The following FHIT variants were observed in gnomAD, a reference collection of about 807,000 sequenced individuals.
FHIT encodes bis(5'-adenosyl)-triphosphatase.
In FHIT, 19 loss-of-function variants were observed where a neutral mutation model predicts 17.9. That is an observed-to-expected ratio of 1.06 (90% CI 0.74 to 1.56). FHIT has a LOEUF of 1.56. Ranked by LOEUF, FHIT falls within the 40% of genes most tolerant of loss-of-function variation. The probability of loss-of-function intolerance (pLI) is 0.00; values close to 1 mark genes in which losing one functional copy is unlikely to be tolerated. For missense variants in FHIT, 248 were observed against 189.2 expected, an observed-to-expected ratio of 1.31 and a Z score of -1.82; for synonymous variants, 81 against 69.7, an observed-to-expected ratio of 1.16 and a Z score of -0.81.
chr3:61,119,108 G>A (rs142458893), intron 2 of FHIT, among the ~76,000 whole-genome samples: 198 of 152,294 alleles, frequency 1.3e-3, no homozygotes, highest in Non-Finnish European at 2.0e-3. Context: ...ATTGATGGCT[G>A]CAATTTACTA....
At chr3:60,482,115 A>C (rs988848410) in intron 5 of FHIT, among the ~76,000 whole-genome samples, 3 of 152,232 alleles carry the variant, frequency 2.0e-5, no homozygotes, top group Admixed American at 2.0e-4. Flanking sequence ...CAATTGAACA[A>C]GGAGAGCTAA....
At chr3:61,150,232 CACT>C (rs1283488835) in intron 2 of FHIT, among the ~76,000 whole-genome samples, 1 of 152,092 alleles carries the variant, frequency 6.6e-6, no homozygotes, top group Non-Finnish European at 1.5e-5. Flanking sequence ...ATACAGAGCC[CACT>C]GAGAGGCTTT....
At chr3:60,921,601 A>C (rs1218576905) in intron 3 of FHIT, among the ~76,000 whole-genome samples, 1 of 152,236 alleles carries the variant, frequency 6.6e-6, no homozygotes, top group African/African-American at 2.4e-5. Context: ...AAATCCTTTG[A>C]ATATGAAATG....
intron 7 of FHIT, among the ~76,000 whole-genome samples, chr3:59,954,816 T>C (rs1459820670): frequency 6.6e-6 from 1 of 152,206 alleles, no homozygotes; most frequent in African/African-American, 2.4e-5. Flanking sequence ...AACTGGTTTC[T>C]TTTGAAAACG....
intron 3 of FHIT, among the ~76,000 whole-genome samples, chr3:60,960,086 G>C (rs1213397998): frequency 6.6e-6 from 1 of 151,738 alleles, no homozygotes; most frequent in Non-Finnish European, 1.5e-5. Flanking sequence ...CCTCATCACT[G>C]CTTTCCGAAT....
chr3:60,390,662 C>G (rs1701193652), intron 5 of FHIT, among the ~76,000 whole-genome samples: 1 of 151,934 alleles, frequency 6.6e-6, no homozygotes, highest in South Asian at 2.1e-4. Context: ...TATTGATGAT[C>G]CTGACCTGGC....
chr3:59,863,529 C>A (rs769460335), intron 8 of FHIT, among the ~76,000 whole-genome samples: 4 of 152,182 alleles, frequency 2.6e-5, no homozygotes, highest in Non-Finnish European at 5.9e-5. Flanking sequence ...CATTATCTGT[C>A]TTCCCTGAGT....
chr3:59,914,474 G>T (rs1426970524), intron 8 of FHIT, among the ~76,000 whole-genome samples: 1 of 152,116 alleles, frequency 6.6e-6, no homozygotes, highest in African/African-American at 2.4e-5. Context: ...AATGAACCTT[G>T]CTCCAAGCTA....
intron 2 of FHIT, among the ~76,000 whole-genome samples, chr3:61,186,883 T>A (rs1433223013): frequency 6.6e-6 from 1 of 152,226 alleles, no homozygotes; most frequent in Non-Finnish European, 1.5e-5. Flanking sequence ...TCTTTTCAGA[T>A]CTTAACTTAA....
intron 2 of FHIT, among the ~76,000 whole-genome samples, chr3:61,091,440 TAATC>T (rs991687128): frequency 2.0e-5 from 3 of 152,164 alleles, no homozygotes; most frequent in African/African-American, 4.8e-5. Context: ...TTAAATTAGA[TAATC>T]AATCTATGTC....
chr3:60,964,276 A>G (rs187203486), intron 3 of FHIT, among the ~76,000 whole-genome samples: 63 of 144,888 alleles, frequency 4.3e-4, no homozygotes, highest in African/African-American at 1.3e-3. Context: ...TTTTTTTTCC[A>G]TTTGCTTGGT....
At chr3:60,608,811 C>G (rs1045226392) in intron 4 of FHIT, among the ~76,000 whole-genome samples, 12 of 152,152 alleles carry the variant, frequency 7.9e-5, no homozygotes, top group Admixed American at 3.9e-4. Context: ...GAGACCTAGT[C>G]ATTATCAGGA....
At chr3:60,096,517 C>A (rs888361445) in intron 5 of FHIT, among the ~76,000 whole-genome samples, 1 of 152,188 alleles carries the variant, frequency 6.6e-6, no homozygotes, top group Non-Finnish European at 1.5e-5. Flanking sequence ...GGTCTTTCAG[C>A]CTTCAGGCTG....
intron 3 of FHIT, among the ~76,000 whole-genome samples, chr3:61,030,649 G>T (rs890114686): frequency 6.6e-6 from 1 of 152,126 alleles, no homozygotes; most frequent in Non-Finnish European, 1.5e-5. Context: ...AAGTGACTCA[G>T]TTAAATGGTA....
intron 3 of FHIT, among the ~76,000 whole-genome samples, chr3:60,927,601 G>A (rs879990114): frequency 5.3e-5 from 8 of 150,560 alleles, no homozygotes; most frequent in Admixed American, 3.3e-4. Context: ...CGGCCGCCCC[G>A]TCTGGGATGT....
At chr3:59,953,977 TC>T (rs1358298088) in intron 7 of FHIT, among the ~76,000 whole-genome samples, 1 of 152,190 alleles carries the variant, frequency 6.6e-6, no homozygotes, top group Non-Finnish European at 1.5e-5. Context: ...CCTTTTCCCT[TC>T]TTTTGTGCCC....
rs1491410831 is a variant in FHIT at position 60,441,769 on chromosome 3, T to TACACACAC, written c.103+95090_103+95091insGTGTGTGT. Among the ~76,000 whole-genome samples, 44 of 29,622 alleles carry TACACACAC rather than the reference T, an allele frequency of 1.5e-3. 1 individual carries two copies. The highest frequency in any genetic ancestry group is 0.026 in the Middle Eastern group (2 of 76). The allele number at this position is 29,622 out of a possible 152,430, so 19.4% of individuals were successfully genotyped here. On this transcript the variant is annotated intron_variant, in intron 5 of 9. Coordinates refer to ENST00000492590, the MANE Select transcript of FHIT (RefSeq NM_002012.4). ...TTATATATATAAAAATATATATATA[T>TACACACAC]TTATATGTATAAAAATATATATATA...
chr3:59,970,011 C>T (rs1248763575), intron 7 of FHIT, among the ~76,000 whole-genome samples: 1 of 152,044 alleles, frequency 6.6e-6, no homozygotes, highest in East Asian at 1.9e-4. Context: ...CCACCCAGAA[C>T]ATAACTGAAT....
At chr3:60,010,770 C>T (rs970559453) in intron 7 of FHIT, among the ~76,000 whole-genome samples, 2 of 152,116 alleles carry the variant, frequency 1.3e-5, no homozygotes, top group Non-Finnish European at 2.9e-5. Context: ...ATCCTCCTTT[C>T]TTCTCCTAGC....
Sources: allele counts gnomAD v4.1 joint callset (sites outside exome capture counted in the v4.1 genomes callset), GRCh38; gene constraint gnomAD v4.1.1; transcripts MANE v1.5; gene names NCBI Gene and HGNC (gene_info 2026-07-23, HGNC 2026-07-21).